SLC8A3: variants seen among roughly 807,000 people sequenced by gnomAD.
SLC8A3 encodes the protein solute carrier family 8 member A3, also known as sodium/calcium exchanger 3.
In SLC8A3, 37 loss-of-function variants were observed where a neutral mutation model predicts 65.4. That is an observed-to-expected ratio of 0.57 (90% CI 0.44 to 0.74). The LOEUF (loss-of-function observed/expected upper bound fraction) is 0.74, where lower values mean the gene tolerates loss of function less well. Among genes scored for constraint, SLC8A3 ranks in the 30% least tolerant of loss-of-function variants. The pLI is 0.00. For synonymous variants in SLC8A3, 461 were observed against 444.5 expected (o/e 1.04, Z -0.47); for missense variants, 1,112 against 1,172.1 (o/e 0.95, Z 0.75).
intron 2 of SLC8A3, among the ~76,000 whole-genome samples, chr14:70,144,010 G>T (rs17175695): frequency 0.12 from 17,626 of 152,108 alleles, 1,227 homozygotes; most frequent in Non-Finnish European, 0.16. Context: ...GGACAGTACT[G>T]ATCTCATGGC....
chr14:70,119,486 G>T (rs993739447), intron 2 of SLC8A3, among the ~76,000 whole-genome samples: 5 of 152,162 alleles, frequency 3.3e-5, no homozygotes, highest in African/African-American at 1.2e-4. Flanking sequence ...CAGCTGGCAG[G>T]TGACATCAGA....
chr14:70,072,426 T>C (rs1284627996), intron 2 of SLC8A3, among the ~76,000 whole-genome samples: 1 of 133,444 alleles, frequency 7.5e-6, no homozygotes, highest in Non-Finnish European at 1.6e-5. Flanking sequence ...TCTTTTAAAG[T>C]AGATGCCTTT....
In SLC8A3 at chr14:70,089,675, T is replaced by C. The variant is rs115473524; in HGVS notation, c.1785-28736A>G. ...CACAAAGAAGGTATCTTTGAATCCATCTGTGTAGATGATGTGTTTAATACA... is the reference window on the plus strand; with the variant it reads ...CACAAAGAAGGTATCTTTGAATCCACCTGTGTAGATGATGTGTTTAATACA... On this transcript the variant is annotated intron_variant, in intron 2 of 6. Transcript: ENST00000356921. Among the ~76,000 whole-genome samples the C allele has an allele frequency of 5.7e-3, 873 of 152,346 alleles. 8 individuals are homozygous for C. Among genetic ancestry groups the C allele is most frequent in the African/African-American group, 0.02 (819 of 41,586 alleles).
At position 70,066,089 on chromosome 14, in the gene SLC8A3, G is replaced by A. The variant is rs114529665; in HGVS notation, c.1785-5150C>T. On this transcript the variant is annotated intron_variant, in intron 2 of 6. Coordinates refer to ENST00000356921, the MANE Select transcript of SLC8A3 (RefSeq NM_182932.3). The stretch of plus-strand genomic sequence containing the variant: ...AAATAAGGACAGGCGTTAACTAGTG[G>A]CAAGAGTAACTTAGGTTAGCCAGCC... 4.2e-3 allele frequency among the ~76,000 whole-genome samples: 641 copies of A among 152,342 alleles called. 6 individuals carry two copies. The highest frequency in any genetic ancestry group is 0.015 in the African/African-American group (607 of 41,566).
intron 1 of SLC8A3, among the ~76,000 whole-genome samples, chr14:70,183,860 G>C (rs1882960130): frequency 6.6e-6 from 1 of 152,178 alleles, no homozygotes; most frequent in Non-Finnish European, 1.5e-5. Context: ...ACCATCGGCT[G>C]ATAGAAAAGT....
chr14:70,086,872 A>C (rs552533693), intron 2 of SLC8A3, among the ~76,000 whole-genome samples: 5 of 152,262 alleles, frequency 3.3e-5, no homozygotes, highest in South Asian at 4.2e-4. Flanking sequence ...ATGTGTTTGC[A>C]TCCACCTCTT....
chr14:70,129,788 A>G (rs1487676710), intron 2 of SLC8A3, among the ~76,000 whole-genome samples: 1 of 152,216 alleles, frequency 6.6e-6, no homozygotes, highest in Non-Finnish European at 1.5e-5. Flanking sequence ...AGTCTTCAAG[A>G]GGCAGAGAAA....
intron 1 of SLC8A3, among the ~76,000 whole-genome samples, chr14:70,181,246 C>T (rs1321941298): frequency 1.3e-5 from 2 of 152,258 alleles, no homozygotes; most frequent in East Asian, 3.9e-4. Context: ...ACACCATTTT[C>T]CTGTCCCTGG....
Position 70,105,112 on chromosome 14 carries a change from A to C in SLC8A3, c.1785-44173T>G, listed in dbSNP as rs1228178829. Among the ~76,000 whole-genome samples the C allele has an allele frequency of 1.8e-4, 27 of 152,050 alleles. 1 individual carries two copies. The highest frequency in any genetic ancestry group is 1.8e-3 in the Admixed American group (27 of 15,270). On this transcript the variant is annotated intron_variant, in intron 2 of 6. Transcript: ENST00000356921. ...TGGGAGGCCGAGGCAGGTGGATCAC[A>C]AGGTCAGGAGATCGAGACCATCCTG...
intron 1 of SLC8A3, among the ~76,000 whole-genome samples, chr14:70,184,888 C>T (rs911591528): frequency 1.3e-5 from 2 of 151,958 alleles, no homozygotes; most frequent in African/African-American, 2.4e-5. Flanking sequence ...TTTTCTGAGC[C>T]TCAGCACGTA....
chr14:70,124,983 C>T (rs1318724500), intron 2 of SLC8A3, among the ~76,000 whole-genome samples: 1 of 152,178 alleles, frequency 6.6e-6, no homozygotes, highest in South Asian at 2.1e-4. Context: ...TAGGCCATGA[C>T]CTCGTCTTTT....
intron 2 of SLC8A3, among the ~76,000 whole-genome samples, chr14:70,149,919 C>T (rs767879198): frequency 6.6e-6 from 1 of 152,176 alleles, no homozygotes; most frequent in Admixed American, 6.5e-5. Context: ...TTGGGAGCAG[C>T]CTGTCATGTT....
chr14:70,164,098 G>A (rs892717802), intron 2 of SLC8A3, among the ~76,000 whole-genome samples: 8 of 152,086 alleles, frequency 5.3e-5, no homozygotes, highest in Non-Finnish European at 7.3e-5. Context: ...AGCATATACC[G>A]TGTACCAGGT....
At chr14:70,052,502 G>T (rs1887621473) in intron 3 of SLC8A3, among the ~76,000 whole-genome samples, 1 of 152,212 alleles carries the variant, frequency 6.6e-6, no homozygotes, top group Admixed American at 6.5e-5. Flanking sequence ...CTTCCTGTAA[G>T]AGTTCTTGAA....
At chr14:70,074,720 C>T (rs972013466) in intron 2 of SLC8A3, among the ~76,000 whole-genome samples, 1 of 152,148 alleles carries the variant, frequency 6.6e-6, no homozygotes, top group Admixed American at 6.5e-5. Context: ...TTTAAGGGTA[C>T]ACCTAAAAAC....
intron 2 of SLC8A3, among the ~76,000 whole-genome samples, chr14:70,115,600 G>C (rs1370789076): frequency 1.3e-5 from 2 of 152,186 alleles, no homozygotes; most frequent in Non-Finnish European, 2.9e-5. Flanking sequence ...CTGTGCCTGA[G>C]GAGAGGGACG....
At chr14:70,106,102 C>G (rs1255619484) in intron 2 of SLC8A3, among the ~76,000 whole-genome samples, 1 of 151,960 alleles carries the variant, frequency 6.6e-6, no homozygotes, top group Non-Finnish European at 1.5e-5. Flanking sequence ...TAATAATAGA[C>G]TGAATTAATC....
intron 2 of SLC8A3, among the ~76,000 whole-genome samples, chr14:70,143,198 T>A (rs1324093664): frequency 6.6e-6 from 1 of 152,202 alleles, no homozygotes; most frequent in Non-Finnish European, 1.5e-5. Flanking sequence ...TGCGTTAAGT[T>A]TTGAGGGCCT....
chr14:70,085,685 A>G (rs191060725), intron 2 of SLC8A3, among the ~76,000 whole-genome samples: 261 of 152,352 alleles, frequency 1.7e-3, no homozygotes, highest in African/African-American at 5.8e-3. Flanking sequence ...AGATATTTAT[A>G]CTGTAGTCTC....
Sources: allele counts gnomAD v4.1 joint callset (sites outside exome capture counted in the v4.1 genomes callset), GRCh38; gene constraint gnomAD v4.1.1; transcripts MANE v1.5; gene names NCBI Gene and HGNC (gene_info 2026-07-23, HGNC 2026-07-21).